DLG2: variants seen among roughly 807,000 people sequenced by gnomAD.
The protein encoded by DLG2 is discs large MAGUK scaffold protein 2.
In DLG2, 45 loss-of-function variants were observed where a neutral mutation model predicts 132.5. The ratio of observed to expected loss-of-function variants is 0.34; its 90% CI spans 0.27 to 0.44. The LOEUF (loss-of-function observed/expected upper bound fraction) is 0.44, where lower values mean the gene tolerates loss of function less well. Ranked by LOEUF, DLG2 falls within the 20% of genes least tolerant of loss-of-function variation. The pLI is 1.00. For missense variants in DLG2, 1,045 were observed against 1,196.9 expected, an observed-to-expected ratio of 0.87 and a Z score of 1.87; for synonymous variants, 424 against 419.6, an observed-to-expected ratio of 1.01 and a Z score of -0.13.
intron 6 of DLG2, among the ~76,000 whole-genome samples, chr11:84,725,045 G>A (rs958819722): frequency 6.6e-6 from 1 of 152,134 alleles, no homozygotes; most frequent in Non-Finnish European, 1.5e-5. Flanking sequence ...GACAAAGGTT[G>A]GGGAATGATA....
chr11:84,799,192 A>G (rs76255339), intron 6 of DLG2, among the ~76,000 whole-genome samples: 1 of 152,058 alleles, frequency 6.6e-6, no homozygotes, highest in East Asian at 1.9e-4. Flanking sequence ...ATGATCCCAG[A>G]GCACTTTATC....
chr11:84,818,759 C>T (rs2153980394), intron 6 of DLG2, among the ~76,000 whole-genome samples: 1 of 152,010 alleles, frequency 6.6e-6, no homozygotes, highest in East Asian at 1.9e-4. Flanking sequence ...GTTATAGACA[C>T]AGGGCTTGAG....
At chr11:84,744,448 C>T (rs1195494524) in intron 6 of DLG2, among the ~76,000 whole-genome samples, 1 of 152,086 alleles carries the variant, frequency 6.6e-6, no homozygotes, top group East Asian at 1.9e-4. Flanking sequence ...ATTTAACTGA[C>T]AAAAATGTAA....
intron 11 of DLG2, among the ~76,000 whole-genome samples, chr11:84,012,828 C>T (rs918239328): frequency 2.6e-5 from 4 of 152,050 alleles, no homozygotes; most frequent in African/African-American, 2.4e-5. Context: ...TTAATCTAAT[C>T]GAATACCCGC....
chr11:83,477,748 T>G (rs1177094335), intron 22 of DLG2, among the ~76,000 whole-genome samples: 1 of 151,884 alleles, frequency 6.6e-6, no homozygotes. Context: ...AGGGGTTTTT[T>G]TTTGTATTTG....
At chr11:85,212,393 T>TA (rs376901042) in intron 4 of DLG2, among the ~76,000 whole-genome samples, 175 of 152,230 alleles carry the variant, frequency 1.1e-3, no homozygotes, top group African/African-American at 4.1e-3. Context: ...AGAAGCATAG[T>TA]AAAAAATGAA....
chr11:84,845,180 C>T (rs1224785463), intron 6 of DLG2, among the ~76,000 whole-genome samples: 1 of 152,062 alleles, frequency 6.6e-6, no homozygotes, highest in Non-Finnish European at 1.5e-5. Flanking sequence ...GAACAGGAAA[C>T]TTGTGATTCA....
At chr11:85,229,916 G>A (rs891307960) in intron 4 of DLG2, among the ~76,000 whole-genome samples, 1 of 151,744 alleles carries the variant, frequency 6.6e-6, no homozygotes, top group African/African-American at 2.4e-5. Flanking sequence ...CATGTTTGGT[G>A]GGAGTTGAAC....
At chr11:83,938,416 T>C (rs11233819) in intron 14 of DLG2, among the ~76,000 whole-genome samples, 9,832 of 152,166 alleles carry the variant, frequency 0.065, 404 homozygotes, top group East Asian at 0.15. Flanking sequence ...GAGGGCTTTC[T>C]AGAAAGTGGT....
chr11:85,540,664 G>C (rs1270991065), intron 3 of DLG2, among the ~76,000 whole-genome samples: 2 of 152,244 alleles, frequency 1.3e-5, no homozygotes, highest in Non-Finnish European at 2.9e-5. Context: ...TAATTGGGCG[G>C]ATTAACACAA....
chr11:85,111,569 C>A, intron 6 of DLG2, 92 bp downstream of exon 6: 1 of 1,019,858 alleles, frequency 9.8e-7, no homozygotes, highest in South Asian at 1.9e-5. Context: ...TCCAGAATTT[C>A]AGAGAGCATT....
intron 4 of DLG2, among the ~76,000 whole-genome samples, chr11:85,189,352 T>A (rs79255687): frequency 0.15 from 23,433 of 152,186 alleles, 2,594 homozygotes; most frequent in Non-Finnish European, 0.21. Context: ...CATTTGTCCA[T>A]CAGTGGCCAA....
intron 17 of DLG2, among the ~76,000 whole-genome samples, chr11:83,828,563 AGAAGC>A (rs1304417468): frequency 6.6e-6 from 1 of 152,192 alleles, no homozygotes; most frequent in Non-Finnish European, 1.5e-5. Context: ...TCTTCATTGA[AGAAGC>A]CTGTACAAAT....
chr11:84,840,612 C>G (rs948803819), intron 6 of DLG2, among the ~76,000 whole-genome samples: 1 of 152,058 alleles, frequency 6.6e-6, no homozygotes, highest in Non-Finnish European at 1.5e-5. Context: ...CAATAATAGA[C>G]TGGATTAAGA....
intron 5 of DLG2, among the ~76,000 whole-genome samples, chr11:85,116,814 T>A (rs1420101686): frequency 1.3e-5 from 2 of 151,996 alleles, no homozygotes; most frequent in African/African-American, 2.4e-5. Flanking sequence ...CTGAATCCTA[T>A]CTATAATGTA....
In DLG2 at chr11:83,945,384, C is replaced by T. The variant is rs2083591279; in HGVS notation, c.1341-14901G>A. Reference sequence around the variant, plus strand: ...CCAAGTGTGAAGCAGATAACCAGACCTTTATATTCCCTTGCCTCAGTAGAG... The same window carrying T: ...CCAAGTGTGAAGCAGATAACCAGACTTTTATATTCCCTTGCCTCAGTAGAG... On this transcript the variant is annotated intron_variant, in intron 14 of 27. Coordinates refer to ENST00000376104, the MANE Select transcript of DLG2 (RefSeq NM_001142699.3). Among the ~76,000 whole-genome samples the T allele has an allele frequency of 2.0e-5, 3 of 152,158 alleles. No individual in the cohort carries two copies. The South Asian group carries it at 6.2e-4, about 32-fold the overall frequency.
chr11:84,993,067 C>T (rs2057298617), intron 6 of DLG2, among the ~76,000 whole-genome samples: 1 of 152,172 alleles, frequency 6.6e-6, no homozygotes, highest in Non-Finnish European at 1.5e-5. Context: ...AAATGTGGCA[C>T]ATATATACCA....
At chr11:85,062,628 T>C (rs1483225326) in intron 6 of DLG2, among the ~76,000 whole-genome samples, 2 of 151,696 alleles carry the variant, frequency 1.3e-5, no homozygotes, top group Non-Finnish European at 1.5e-5. Context: ...ATAATGTTTG[T>C]TTTATTTGCA....
chr11:85,163,982 C>A (rs957186591), intron 4 of DLG2, among the ~76,000 whole-genome samples: 16 of 151,966 alleles, frequency 1.1e-4, no homozygotes, highest in Non-Finnish European at 1.8e-4. Flanking sequence ...TCCCTTATTC[C>A]CCAGATTGAA....
Sources: gnomAD v4.1 joint callset for allele counts (sites outside exome capture counted in the v4.1 genomes callset) on GRCh38, gnomAD v4.1.1 for gene constraint, MANE v1.5 for transcripts, NCBI Gene and HGNC (gene_info 2026-07-23, HGNC 2026-07-21) for gene names.